Variants in ZNF675 observed in about 807,000 individuals in gnomAD.
The protein encoded by ZNF675 is TRAF6 inhibitory zinc finger.
Under a neutral mutation model 56.1 loss-of-function variants are expected in ZNF675, and 36 were observed. That is an observed-to-expected ratio of 0.64 (90% CI 0.49 to 0.85). The LOEUF is 0.85. Among genes scored for constraint, ZNF675 ranks in the 40% least tolerant of loss-of-function variants. ZNF675 has a pLI of 0.00. For synonymous variants in ZNF675, 200 were observed against 218.9 expected (o/e 0.91, Z 0.76); for missense variants, 663 against 654.2 (o/e 1.01, Z -0.15).
intron 1 of ZNF675, among the ~76,000 whole-genome samples, chr19:23,666,681 T>A (rs1052695415): frequency 2.0e-4 from 30 of 151,380 alleles, no homozygotes; most frequent in African/African-American, 7.2e-4. Context: ...TGGTAACTTA[T>A]TTTGGTGAGC....
chr19:23,662,120 G>C lies in ZNF675; in HGVS notation c.220C>G (p.Pro74Ala). Residue 74 changes from proline to alanine, a missense_variant, in exon 3 of 4, where the codon CCC (proline) becomes GCC (alanine). By Grantham distance (27) the Pro-to-Ala change is conservative (BLOSUM62 -1). This residue lies in a region of ZNF675 where 617 missense variants were observed against 590.5 expected (regional missense o/e 1.04). Transcript: ENST00000359788. ...CACTTTCATTCTCACTTACCTGGGG[G>C]TTCATTCACCATCTCATGTCTCTTC... ...TVKRHEMVNE[P>A]PVMCSHFAQE... 1 of 1,611,972 alleles carries C rather than the reference G, an allele frequency of 6.2e-7. No individual in the cohort carries two copies. The highest frequency in any genetic ancestry group is 8.5e-7 in the Non-Finnish European group (1 of 1,178,386).
chr19:23,681,695 C>T (rs1368804275), intron 1 of ZNF675, among the ~76,000 whole-genome samples: 8 of 151,826 alleles, frequency 5.3e-5, no homozygotes, highest in Admixed American at 4.6e-4. Flanking sequence ...AGATGCCAGT[C>T]ACAAACTTCA....
At chr19:23,677,696 G>C (rs184219165) in intron 1 of ZNF675, among the ~76,000 whole-genome samples, 1 of 98,254 alleles carries the variant, frequency 1.0e-5, no homozygotes, top group East Asian at 3.0e-4. Flanking sequence ...AACAGAGTGA[G>C]ACTCCGTCTC....
At chr19:23,664,930 A>G (rs1319815477) in intron 1 of ZNF675, among the ~76,000 whole-genome samples, 2 of 152,162 alleles carry the variant, frequency 1.3e-5, no homozygotes, top group East Asian at 3.9e-4. Flanking sequence ...CAGCCTGAGC[A>G]ACGGAGTGAG....
chr19:23,662,022 T>C (rs1482108954), intron 3 of ZNF675, 92 bp downstream of exon 3: 1 of 928,780 alleles, frequency 1.1e-6, no homozygotes, highest in Non-Finnish European at 1.7e-6. Context: ...AAAACACGGC[T>C]TCCCAAATCA....
intron 1 of ZNF675, among the ~76,000 whole-genome samples, chr19:23,667,777 CCT>C (rs909334825): frequency 6.6e-6 from 1 of 150,946 alleles, no homozygotes; most frequent in African/African-American, 2.4e-5. Flanking sequence ...GTTTACAATC[CCT>C]GAGCTAGACA....
intron 1 of ZNF675, among the ~76,000 whole-genome samples, chr19:23,681,641 T>C (rs1057319887): frequency 6.6e-5 from 10 of 151,770 alleles, no homozygotes; most frequent in African/African-American, 1.2e-4. Flanking sequence ...AGAGTCAGCA[T>C]AGACCCTGAT....
intron 1 of ZNF675, among the ~76,000 whole-genome samples, chr19:23,677,653 C>T (rs554554772): frequency 7.1e-6 from 1 of 140,710 alleles, no homozygotes; most frequent in Non-Finnish European, 1.5e-5. Flanking sequence ...TTGCAGTGAG[C>T]CAAAATCACA....
chr19:23,667,658 A>C (rs1968171027), intron 1 of ZNF675, among the ~76,000 whole-genome samples: 1 of 152,058 alleles, frequency 6.6e-6, no homozygotes, highest in South Asian at 2.1e-4. Flanking sequence ...CCACCAGAGC[A>C]GCTAGATACA....
chr19:23,663,091 G>C lies in ZNF675; in HGVS notation c.71C>G (p.Ala24Gly). 1 of 1,610,132 alleles carries C rather than the reference G, an allele frequency of 6.2e-7. No individual in the cohort carries two copies. Among genetic ancestry groups the C allele is most frequent in the Non-Finnish European group, 8.5e-7 (1 of 1,178,324 alleles). The change falls in exon 2 of 4, where the codon GCA becomes GGA. Residue 24 changes from alanine (A) to glycine (G), a missense_variant. Ala to Gly is a moderately conservative substitution (Grantham distance 60, BLOSUM62 0). This residue lies in a region of ZNF675 where 33 missense variants were observed against 31.8 expected (regional missense o/e 1.04). Transcript: ENST00000359788. ...CACATTTTTATATAAATTCCGCTGT[G>C]CAGTGTCCAGGCATTGCCATTCTTC... ...SLEEWQCLDT[A>G]QRNLYKNVIL... is the part of the protein sequence containing the mutation.
intron 1 of ZNF675, among the ~76,000 whole-genome samples, chr19:23,671,800 A>G (rs1330290447): frequency 6.6e-6 from 1 of 151,948 alleles, no homozygotes; most frequent in African/African-American, 2.4e-5. Flanking sequence ...AATGGAAGCA[A>G]TTAGTTTATC....
intron 1 of ZNF675, among the ~76,000 whole-genome samples, chr19:23,683,732 C>T (rs1881770591): frequency 6.6e-6 from 1 of 152,066 alleles, no homozygotes; most frequent in Non-Finnish European, 1.5e-5. Flanking sequence ...TATTCTTTTC[C>T]TTAGTAGGAT....
rs746250349 is a variant in ZNF675 at position 23,663,025 on chromosome 19, T to C, written c.130+7A>G. Reference sequence around the variant, plus strand: ...AAAAAGAAACTGTGTGTTTAAGTTATCCTTACCCAGGAAGACCAGGTTTCT... The same window carrying C: ...AAAAAGAAACTGTGTGTTTAAGTTACCCTTACCCAGGAAGACCAGGTTTCT... On this transcript the variant is annotated splice_region_variant and intron_variant, in intron 2 of 3. Transcript: ENST00000359788. 1 of 1,573,664 alleles carries C rather than the reference T, an allele frequency of 6.4e-7. No individual in the cohort carries two copies. The highest frequency in any genetic ancestry group is 8.6e-7 in the Non-Finnish European group (1 of 1,165,904).
intron 1 of ZNF675, among the ~76,000 whole-genome samples, chr19:23,667,178 A>G (rs1371840738): frequency 1.3e-5 from 2 of 151,240 alleles, no homozygotes; most frequent in Admixed American, 6.6e-5. Flanking sequence ...CTCTTAAGGC[A>G]GTGCATCTGG....
intron 1 of ZNF675, 43 bp from the exon 2 acceptor site, chr19:23,663,201 C>G (rs759452987): frequency 1.3e-6 from 2 of 1,573,926 alleles, no homozygotes; most frequent in Non-Finnish European, 1.7e-6. Context: ...AGGTAGCCAA[C>G]AGAGATTATA....
At chr19:23,672,206 C>CTTGGGT (rs1968235789) in intron 1 of ZNF675, among the ~76,000 whole-genome samples, 4 of 145,646 alleles carry the variant, frequency 2.7e-5, no homozygotes, top group Admixed American at 2.1e-4. Flanking sequence ...CAAGAATACT[C>CTTGGGT]TACTCCAGTT....
At chr19:23,661,947 T>C in intron 3 of ZNF675, 167 bp downstream of exon 3, 1 of 572,198 alleles carries the variant, frequency 1.7e-6, no homozygotes, top group Non-Finnish European at 3.2e-6. Flanking sequence ...TTTAAAAGCA[T>C]AAGACAGAAA....
chr19:23,654,279 AT>A lies in ZNF675; in HGVS notation c.653del (p.His218LeufsTer59), dbSNP rs781514772. ...AVNQSSKLTKHKRIYTCEKLY... is the reference protein window; with the variant it reads ...AVNQSSKLTKXKRIYTCEKLY... ...GTTTCTCACAAGTATAAATTCTTTTATGTTTAGTAAGCTTTGAAGATTGGTT... is the reference window on the plus strand; with the variant it reads ...GTTTCTCACAAGTATAAATTCTTTTAGTTTAGTAAGCTTTGAAGATTGGTT... On this transcript the variant is annotated frameshift_variant, in exon 4 of 4. Transcript: ENST00000359788. LOFTEE classifies it high-confidence loss of function. 6.2e-7 allele frequency: 1 copy of A among 1,611,974 alleles called. No homozygotes were observed. Among genetic ancestry groups the A allele is most frequent in the Non-Finnish European group, 8.5e-7 (1 of 1,179,520 alleles).
intron 1 of ZNF675, 56 bp from the exon 2 acceptor site, chr19:23,663,214 T>C: frequency 1.9e-6 from 3 of 1,564,492 alleles, no homozygotes; most frequent in Non-Finnish European, 2.6e-6. Flanking sequence ...AGATTATAAT[T>C]TGACTCAAGG....
Sources: gnomAD v4.1 joint callset for allele counts (sites outside exome capture counted in the v4.1 genomes callset) on GRCh38, gnomAD v4.1.1 for gene constraint, gnomAD v4.1.1 regional missense constraint, MANE v1.5 for transcripts, NCBI Gene and HGNC (gene_info 2026-07-23, HGNC 2026-07-21) for gene names.